Variants in KCNH1 observed in about 807,000 individuals in gnomAD.
KCNH1 encodes the protein potassium voltage-gated channel subfamily H member 1.
KCNH1 carries 27 observed loss-of-function variants against 69.2 expected under a neutral mutation model. The observed-to-expected ratio is 0.39, with a 90% CI of 0.29 to 0.54. The LOEUF (loss-of-function observed/expected upper bound fraction) is 0.54. KCNH1 is among the 20% of genes least tolerant of loss of function. KCNH1 has a pLI of 0.68. For missense variants in KCNH1, 798 were observed against 1,261.6 expected, an observed-to-expected ratio of 0.63 and a Z score of 5.57; for synonymous variants, 456 against 487.7, an observed-to-expected ratio of 0.93 and a Z score of 0.86.
At chr1:211,089,496 T>C (rs1323884190) in intron 4 of KCNH1, among the ~76,000 whole-genome samples, 1 of 152,220 alleles carries the variant, frequency 6.6e-6, no homozygotes, top group East Asian at 1.9e-4. Flanking sequence ...CTGAACTCCA[T>C]AAATGTGAGT....
At chr1:210,984,306 C>T in intron 6 of KCNH1, among the ~76,000 whole-genome samples, 1 of 152,188 alleles carries the variant, frequency 6.6e-6, no homozygotes, top group Non-Finnish European at 1.5e-5. Flanking sequence ...ACTTCCAACA[C>T]TATGTTGAAT....
intron 10 of KCNH1, among the ~76,000 whole-genome samples, chr1:210,742,317 G>T (rs1265005652): frequency 1.3e-5 from 2 of 152,214 alleles, no homozygotes; most frequent in Admixed American, 1.3e-4. Context: ...TGTCCTCAAA[G>T]GATTCCCTTC....
intron 5 of KCNH1, among the ~76,000 whole-genome samples, chr1:211,054,070 G>C (rs1282175652): frequency 4.6e-5 from 7 of 151,278 alleles, no homozygotes; most frequent in Non-Finnish European, 1.0e-4. Context: ...AGGAGTTCAA[G>C]ACCAGCCTGG....
intron 6 of KCNH1, among the ~76,000 whole-genome samples, chr1:210,954,749 G>A (rs1574359027): frequency 6.6e-6 from 1 of 150,980 alleles, no homozygotes; most frequent in Non-Finnish European, 1.5e-5. Context: ...TTTTGATGGG[G>A]TTGTTTTTTT....
intron 9 of KCNH1, among the ~76,000 whole-genome samples, chr1:210,781,945 G>A (rs889839291): frequency 6.6e-6 from 1 of 152,160 alleles, no homozygotes; most frequent in African/African-American, 2.4e-5. Context: ...GAGTCTTGGA[G>A]TCCCTTTAAA....
intron 7 of KCNH1, among the ~76,000 whole-genome samples, chr1:210,811,993 G>A (rs1426767077): frequency 6.6e-6 from 1 of 152,160 alleles, no homozygotes; most frequent in Non-Finnish European, 1.5e-5. Context: ...GATTTGGTAG[G>A]TCATGAGTGG....
chr1:210,852,609 G>A (rs1334144561), intron 7 of KCNH1, among the ~76,000 whole-genome samples: 1 of 152,106 alleles, frequency 6.6e-6, no homozygotes, highest in Non-Finnish European at 1.5e-5. Flanking sequence ...TGTGGAATGA[G>A]AATTTCACCC....
intron 7 of KCNH1, among the ~76,000 whole-genome samples, chr1:210,846,045 G>T (rs993381799): frequency 6.6e-6 from 1 of 152,134 alleles, no homozygotes; most frequent in Non-Finnish European, 1.5e-5. Flanking sequence ...CCTCTTCAAG[G>T]AGAACTACAA....
intron 6 of KCNH1, among the ~76,000 whole-genome samples, chr1:210,974,627 G>T (rs145373656): frequency 7.0e-6 from 1 of 141,914 alleles, no homozygotes; most frequent in Non-Finnish European, 1.5e-5. Flanking sequence ...GCAGTGGCAC[G>T]ATCTTGGCTC....
intron 6 of KCNH1, among the ~76,000 whole-genome samples, chr1:210,931,336 A>C (rs1358912682): frequency 6.6e-6 from 1 of 152,176 alleles, no homozygotes; most frequent in African/African-American, 2.4e-5. Context: ...CTACTCAGCT[A>C]TAAAAAAGAA....
chr1:210,870,629 T>C (rs1366753074), intron 7 of KCNH1, among the ~76,000 whole-genome samples: 2 of 152,178 alleles, frequency 1.3e-5, no homozygotes, highest in African/African-American at 4.8e-5. Context: ...GCTTTATTAG[T>C]AGACATGATA....
chr1:210,724,496 T>G (rs1332496820), intron 10 of KCNH1, among the ~76,000 whole-genome samples: 1 of 152,108 alleles, frequency 6.6e-6, no homozygotes, highest in East Asian at 1.9e-4. Flanking sequence ...ATTCATCAAA[T>G]AGTGCTCCTA....
Position 210,763,860 on chromosome 1 carries a change from A to G in KCNH1, c.2112+11488T>C, listed in dbSNP as rs1346236035. 4.6e-5 allele frequency among the ~76,000 whole-genome samples: 7 copies of G among 152,196 alleles called. No individual in the cohort carries two copies. The East Asian group carries it at 1.2e-3, about 25-fold the overall frequency. ...ATGTCATTTTTTTCACAGAATTAGA[A>G]AAAAACTATTCTAAAATTCATATGG... On this transcript the variant is annotated intron_variant, in intron 10 of 10. Transcript: ENST00000271751.
Position 210,683,998 on chromosome 1 carries a change from C to T in KCNH1, c.2253G>A (p.Arg751=), listed in dbSNP as rs765116978. The T allele has an allele frequency of 1.1e-5, 18 of 1,598,222 alleles. No individual in the cohort carries two copies. Among genetic ancestry groups the T allele is most frequent in the Non-Finnish European group, 1.5e-5 (18 of 1,168,576 alleles). The change falls in exon 11 of 11, where the codon AGG becomes AGA. Residue 751 remains arginine (R), a synonymous_variant. Coordinates refer to ENST00000271751, the MANE Select transcript of KCNH1 (RefSeq NM_172362.3). This position sits in a 1 kb window ranked among gnomAD's most constrained non-coding sequence, Gnocchi z 5.7. ...FQRFRQQKEA[R]LAAERGGRDL... Reference sequence around the variant, plus strand: ...CCCGGCCCCCTCTCTCAGCTGCCAGCCTGGCCTCTTTCTGCTGTCGGAATC... The same window carrying T: ...CCCGGCCCCCTCTCTCAGCTGCCAGTCTGGCCTCTTTCTGCTGTCGGAATC...
intron 10 of KCNH1, among the ~76,000 whole-genome samples, chr1:210,718,033 G>C (rs1273583866): frequency 6.6e-6 from 1 of 151,862 alleles, no homozygotes; most frequent in Non-Finnish European, 1.5e-5. Context: ...CTTGAACCCA[G>C]GAGGTGGCGG....
At chr1:210,993,040 C>A (rs562850863) in intron 6 of KCNH1, among the ~76,000 whole-genome samples, 1 of 152,166 alleles carries the variant, frequency 6.6e-6, no homozygotes, top group African/African-American at 2.4e-5. Flanking sequence ...CCACCCACAT[C>A]GCTGTGATCT....
chr1:211,056,321 G>T (rs1422880357), intron 5 of KCNH1, among the ~76,000 whole-genome samples: 2 of 152,128 alleles, frequency 1.3e-5, no homozygotes, highest in Non-Finnish European at 2.9e-5. Context: ...GAGAAAAGGG[G>T]AGAGTGGGAA....
intron 6 of KCNH1, among the ~76,000 whole-genome samples, chr1:210,938,509 G>A (rs922610376): frequency 3.9e-5 from 6 of 152,106 alleles, no homozygotes; most frequent in Non-Finnish European, 7.4e-5. Context: ...ATCTCCCTCT[G>A]TCTTCTAGAT....
chr1:210,846,116 T>G (rs1010980026), intron 7 of KCNH1, among the ~76,000 whole-genome samples: 138 of 152,250 alleles, frequency 9.1e-4, no homozygotes, highest in African/African-American at 3.0e-3. Flanking sequence ...CATGCTCATG[T>G]GTAGGAAGAA....
Sources: gnomAD v4.1 joint callset for allele counts (sites outside exome capture counted in the v4.1 genomes callset) on GRCh38, gnomAD v4.1.1 for gene constraint, Gnocchi (gnomAD v3.1) non-coding constraint, MANE v1.5 for transcripts, NCBI Gene and HGNC (gene_info 2026-07-23, HGNC 2026-07-21) for gene names.